Variants in ENAH observed in about 807,000 individuals in gnomAD.
ENAH encodes ENAH actin regulator.
In ENAH, 23 loss-of-function variants were observed where a neutral mutation model predicts 78.7. The observed-to-expected ratio is 0.29, with a 90% CI of 0.21 to 0.41. The LOEUF (loss-of-function observed/expected upper bound fraction) is 0.41. Ranked by LOEUF, ENAH falls within the 10% of genes least tolerant of loss-of-function variation. ENAH has a pLI of 1.00. For synonymous variants in ENAH, 226 were observed against 241.0 expected (o/e 0.94, Z 0.58); for missense variants, 544 against 691.0 (o/e 0.79, Z 2.39).
rs2096248619 is a variant in ENAH at position 225,496,056 on chromosome 1, A to G, written c.*1719T>C. The stretch of plus-strand genomic sequence containing the variant: ...ATGTACAAAATCTAGAAAGCAGATG[A>G]AAGTGAATTATTTCAAAGTTTTAGT... On this transcript the variant is annotated 3_prime_UTR_variant, in exon 14 of 14. Coordinates refer to ENST00000366843, the MANE Select transcript of ENAH (RefSeq NM_018212.6). The G allele has an allele frequency of 6.6e-6, 1 of 152,654 alleles. No homozygotes were observed. The allele number at this position is 152,654 out of a possible 1,614,324, so 9.5% of individuals were successfully genotyped here. A position where few individuals can be genotyped will look rare whatever the true frequency, so the allele number is the denominator to read the frequency against.
In ENAH at chr1:225,557,520, G is replaced by A. The variant is rs148036748; in HGVS notation, c.172-2437C>T. On this transcript the variant is annotated intron_variant, in intron 2 of 13. Transcript: ENST00000366843. ...GAAGGAAAGCTTTCTCAATTAAACC[G>A]TTAAAAGTATGATCTTTCACACCAG... Among the ~76,000 whole-genome samples, 659 of 152,204 alleles carry A rather than the reference G, an allele frequency of 4.3e-3. 3 individuals are homozygous for A. Among genetic ancestry groups the A allele is most frequent in the Non-Finnish European group, 6.9e-3 (467 of 67,998 alleles).
intron 1 of ENAH, among the ~76,000 whole-genome samples, chr1:225,604,096 T>TTTAATA (rs1341097924): frequency 6.6e-6 from 1 of 152,214 alleles, no homozygotes; most frequent in Non-Finnish European, 1.5e-5. Context: ...CCAAAGAATC[T>TTTAATA]TTAATAACAC....
At chr1:225,631,428 G>C (rs1659022223) in intron 1 of ENAH, among the ~76,000 whole-genome samples, 2 of 151,716 alleles carry the variant, frequency 1.3e-5, no homozygotes, top group Non-Finnish European at 2.9e-5. Flanking sequence ...AAAAAAATTG[G>C]CTGGACGTGG....
At chr1:225,598,752 G>C (rs372756631) in intron 1 of ENAH, among the ~76,000 whole-genome samples, 1 of 151,624 alleles carries the variant, frequency 6.6e-6, no homozygotes, top group Admixed American at 6.6e-5. Flanking sequence ...TTAACACCCA[G>C]TAAAATATAA....
chr1:225,591,638 G>A lies in ENAH; in HGVS notation c.6-24224C>T, dbSNP rs532288281. ...AAATTAGCCAGGCATGATGGCAGGC[G>A]CCTGTAGTCCCAGCTACTTGGGAGG... On this transcript the variant is annotated intron_variant, in intron 1 of 13. Coordinates refer to ENST00000366843, the MANE Select transcript of ENAH (RefSeq NM_018212.6). 1.5e-3 allele frequency among the ~76,000 whole-genome samples: 234 copies of A among 151,040 alleles called. 1 individual carries two copies. Among genetic ancestry groups the A allele is most frequent in the African/African-American group, 4.5e-3 (184 of 41,128 alleles).
In ENAH at chr1:225,514,752, AGGGGGAGGAGGGGGC is replaced by A; in HGVS notation, c.1047_1061del (p.Pro351_Pro355del). Reference sequence around the variant, plus strand: ...GAGGGGGTACTTGATTAGGGAGAGGAGGGGGAGGAGGGGGCGGTGGAGGCCCGGTGGATGGGAGTG... The same window carrying A: ...GAGGGGGTACTTGATTAGGGAGAGGAGGTGGAGGCCCGGTGGATGGGAGTG... On this transcript the variant is annotated inframe_deletion, in exon 7 of 14. Coordinates refer to ENST00000366843, the MANE Select transcript of ENAH (RefSeq NM_018212.6). The A allele has an allele frequency of 5.2e-6, 1 of 193,242 alleles. No individual in the cohort carries two copies. Among genetic ancestry groups the A allele is most frequent in the Non-Finnish European group, 7.9e-6 (1 of 126,328 alleles). 12.0% of individuals were successfully genotyped at this position (193,242 alleles called of 1,614,324 possible).
chr1:225,627,271 C>T (rs1372237639), intron 1 of ENAH, among the ~76,000 whole-genome samples: 2 of 152,080 alleles, frequency 1.3e-5, no homozygotes, highest in Admixed American at 6.6e-5. Context: ...ATTTAAAGTG[C>T]CTATTAGTTA....
At chr1:225,558,925 G>T (rs573115046) in intron 2 of ENAH, among the ~76,000 whole-genome samples, 2 of 152,148 alleles carry the variant, frequency 1.3e-5, no homozygotes, top group Admixed American at 1.3e-4. Flanking sequence ...AAGCCACTGC[G>T]CCTGGCCTGT....
rs887383632 is a variant in ENAH, at chr1:225,558,795, G to A, written c.172-3712C>T. Reference sequence around the variant, plus strand: ...ACTACAGGCGCCCGCCAACACACCCGGCTAATTTTTTGTATTTTTAGTAGA... The same window carrying A: ...ACTACAGGCGCCCGCCAACACACCCAGCTAATTTTTTGTATTTTTAGTAGA... On this transcript the variant is annotated intron_variant, in intron 2 of 13. Coordinates refer to ENST00000366843, the MANE Select transcript of ENAH (RefSeq NM_018212.6). 6.6e-5 allele frequency among the ~76,000 whole-genome samples: 10 copies of A among 151,796 alleles called. 1 individual carries two copies. The highest frequency in any genetic ancestry group is 8.8e-5 in the Non-Finnish European group (6 of 67,930).
chr1:225,506,076 C>T lies in ENAH; in HGVS notation c.1538+1875G>A, dbSNP rs576077141. Among the ~76,000 whole-genome samples, 3 of 152,212 alleles carry T rather than the reference C, an allele frequency of 2.0e-5. No homozygotes were observed. In the East Asian group the frequency reaches 5.8e-4, roughly 29 times the overall value. On this transcript the variant is annotated intron_variant, in intron 11 of 13. Transcript: ENST00000366843. ...TTTCCTTTACTAAATGGACCAAATA[C>T]ATCAAAGAATGTATTCCATTTGGAG... is the stretch of plus-strand genomic sequence containing the variant.
intron 2 of ENAH, among the ~76,000 whole-genome samples, chr1:225,563,470 A>C (rs2096719011): frequency 6.6e-6 from 1 of 152,188 alleles, no homozygotes; most frequent in Non-Finnish European, 1.5e-5. Flanking sequence ...TTTTATGCCT[A>C]ATGTGATGAG....
At chr1:225,604,509 C>CGCA (rs2096945465) in intron 1 of ENAH, among the ~76,000 whole-genome samples, 2 of 151,662 alleles carry the variant, frequency 1.3e-5, no homozygotes, top group Admixed American at 1.3e-4. Context: ...TGTGGCCAGG[C>CGCA]GCAGTGGCTC....
intron 1 of ENAH, among the ~76,000 whole-genome samples, chr1:225,620,049 T>C (rs1465658656): frequency 6.6e-6 from 1 of 152,142 alleles, no homozygotes; most frequent in Non-Finnish European, 1.5e-5. Context: ...TAAATGGCCT[T>C]GTGTGTACTA....
In ENAH at chr1:225,552,011, T is replaced by C. The variant is rs549193007; in HGVS notation, c.349+2895A>G. On this transcript the variant is annotated intron_variant, in intron 3 of 13. Coordinates refer to ENST00000366843, the MANE Select transcript of ENAH (RefSeq NM_018212.6). ...ATGATCAAACTGAGAGGTGACATTA[T>C]TGGGTATGTTTGTTTAGATAAAGGG... 2.0e-5 allele frequency among the ~76,000 whole-genome samples: 3 copies of C among 152,286 alleles called. No individual in the cohort carries two copies. In the South Asian group the frequency reaches 6.2e-4, roughly 32 times the overall value.
intron 10 of ENAH, among the ~76,000 whole-genome samples, chr1:225,508,778 A>T (rs1165890712): frequency 6.6e-6 from 1 of 152,198 alleles, no homozygotes; most frequent in Non-Finnish European, 1.5e-5. Flanking sequence ...GAATCTTCTC[A>T]TGGAGGAAAG....
chr1:225,504,847 A>C, intron 11 of ENAH: 1 of 480,064 alleles, frequency 2.1e-6, no homozygotes, highest in Non-Finnish European at 3.7e-6. Flanking sequence ...CTGTGAAGTG[A>C]TGGCAGAATT....
intron 3 of ENAH, among the ~76,000 whole-genome samples, chr1:225,533,354 G>T (rs1383175417): frequency 6.6e-6 from 1 of 152,134 alleles, no homozygotes; most frequent in Non-Finnish European, 1.5e-5. Flanking sequence ...CTTTACACAG[G>T]TCACATTCCT....
intron 2 of ENAH, among the ~76,000 whole-genome samples, chr1:225,564,045 T>C (rs1364193605): frequency 6.6e-6 from 1 of 152,174 alleles, no homozygotes; most frequent in Admixed American, 6.5e-5. Flanking sequence ...GTAACTATAG[T>C]GGTATTCTTT....
At chr1:225,524,606 G>A (rs1002240285) in intron 4 of ENAH, 1 of 985,314 alleles carries the variant, frequency 1.0e-6, no homozygotes, top group African/African-American at 1.7e-5. Flanking sequence ...CACAAGAGAA[G>A]GCGGTCAACT....
Sources: allele counts gnomAD v4.1 joint callset (sites outside exome capture counted in the v4.1 genomes callset), GRCh38; gene constraint gnomAD v4.1.1; transcripts MANE v1.5; gene names NCBI Gene and HGNC (gene_info 2026-07-23, HGNC 2026-07-21).